Variants in CAMTA1 observed in about 807,000 individuals in gnomAD.
CAMTA1 encodes the protein calmodulin binding transcription activator 1, also known as calmodulin-binding transcription activator 1.
Under a neutral mutation model 170.9 loss-of-function variants are expected in CAMTA1, and 27 were observed. The observed-to-expected ratio is 0.16, with a 90% CI of 0.12 to 0.22. The LOEUF (loss-of-function observed/expected upper bound fraction) is 0.22, where lower values mean the gene tolerates loss of function less well. Ranked by LOEUF, CAMTA1 falls within the 10% of genes least tolerant of loss-of-function variation. The pLI, the probability that CAMTA1 is intolerant of heterozygous loss-of-function variation, is 1.00. For missense variants in CAMTA1, 1,619 were observed against 2,217.2 expected, an observed-to-expected ratio of 0.73 and a Z score of 5.42; for synonymous variants, 833 against 891.5, an observed-to-expected ratio of 0.93 and a Z score of 1.17.
intron 3 of CAMTA1, among the ~76,000 whole-genome samples, chr1:7,011,985 G>T (rs534562958): frequency 6.6e-6 from 1 of 152,140 alleles, no homozygotes; most frequent in East Asian, 1.9e-4. Flanking sequence ...TGCTCAGGGG[G>T]CCCCTTCCCA....
intron 5 of CAMTA1, among the ~76,000 whole-genome samples, chr1:7,264,908 G>T (rs971411032): frequency 1.3e-5 from 2 of 152,122 alleles, no homozygotes; most frequent in Non-Finnish European, 1.5e-5. Context: ...CCTTAAGTTT[G>T]ACTTTTGTTT....
In CAMTA1 at chr1:6,934,914, C is replaced by T. The variant is rs982812936; in HGVS notation, c.234+109704C>T. On this transcript the variant is annotated intron_variant, in intron 3 of 22. Transcript: ENST00000303635. This position sits in a 1 kb window ranked among gnomAD's most constrained non-coding sequence, Gnocchi z 4.5. ...AGTCCACCAAACTCCTTAGGCCAGT[C>T]GAAAGCACCTAACTCAGACCACAGG... 1.3e-5 allele frequency among the ~76,000 whole-genome samples: 2 copies of T among 152,136 alleles called. No homozygotes were observed. The highest frequency in any genetic ancestry group is 2.9e-5 in the Non-Finnish European group (2 of 68,038).
At chr1:7,268,033 A>G (rs1669186003) in intron 5 of CAMTA1, among the ~76,000 whole-genome samples, 1 of 152,234 alleles carries the variant, frequency 6.6e-6, no homozygotes, top group African/African-American at 2.4e-5. Context: ...AATATAGGAA[A>G]CAACTATTGT....
intron 5 of CAMTA1, among the ~76,000 whole-genome samples, chr1:7,431,994 G>A (rs1329114715): frequency 6.6e-6 from 1 of 152,178 alleles, no homozygotes; most frequent in Non-Finnish European, 1.5e-5. Flanking sequence ...GGAACAACCT[G>A]GGCCCTGAGC....
intron 5 of CAMTA1, among the ~76,000 whole-genome samples, chr1:7,421,932 G>T (rs2149318175): frequency 6.6e-6 from 1 of 152,152 alleles, no homozygotes; most frequent in Admixed American, 6.5e-5. Context: ...TGGCATCTGT[G>T]CTGTGCATCT....
chr1:7,103,627 AACTACACACACGCAC>A, intron 4 of CAMTA1, among the ~76,000 whole-genome samples: 1 of 149,600 alleles, frequency 6.7e-6, no homozygotes, highest in East Asian at 2.0e-4. Context: ...ACGCACACAC[AACTACACACACGCAC>A]ACACAACACA....
chr1:7,184,674 A>G (rs1226799182), intron 4 of CAMTA1, among the ~76,000 whole-genome samples: 1 of 152,190 alleles, frequency 6.6e-6, no homozygotes, highest in Non-Finnish European at 1.5e-5. Context: ...GATGGGAAGG[A>G]GACAGGAGAC....
At chr1:6,931,919 A>G (rs1684482305) in intron 3 of CAMTA1, among the ~76,000 whole-genome samples, 1 of 152,180 alleles carries the variant, frequency 6.6e-6, no homozygotes, top group Non-Finnish European at 1.5e-5. Flanking sequence ...TTACTGTTCC[A>G]TTTGGCAATT....
intron 3 of CAMTA1, among the ~76,000 whole-genome samples, chr1:6,895,471 A>G (rs1675428595): frequency 6.6e-6 from 1 of 152,210 alleles, no homozygotes. Context: ...CTTGGAATAG[A>G]TTCCCCATGC....
chr1:7,224,102 G>C lies in CAMTA1; in HGVS notation c.303-25389G>C, dbSNP rs1162025703. Among the ~76,000 whole-genome samples the C allele has an allele frequency of 6.6e-6, 1 of 152,158 alleles. No homozygotes were observed. Among genetic ancestry groups the C allele is most frequent in the Admixed American group, 6.5e-5 (1 of 15,278 alleles). ...GACATGCAGTTGTATAAAGGATGGG[G>C]CACCTTAACGTTTGTAGCACCTTTA... On this transcript the variant is annotated intron_variant, in intron 4 of 22. Coordinates refer to ENST00000303635, the MANE Select transcript of CAMTA1 (RefSeq NM_015215.4). This position sits in a 1 kb window ranked among gnomAD's most constrained non-coding sequence, Gnocchi z 5.2.
chr1:7,424,742 A>C (rs527259922), intron 5 of CAMTA1, among the ~76,000 whole-genome samples: 2 of 152,236 alleles, frequency 1.3e-5, no homozygotes, highest in South Asian at 4.1e-4. Context: ...ACGTGGCCCA[A>C]AGCTGTCATG....
chr1:7,034,623 C>A (rs774993606), intron 3 of CAMTA1, among the ~76,000 whole-genome samples: 1 of 152,182 alleles, frequency 6.6e-6, no homozygotes, highest in Non-Finnish European at 1.5e-5. Flanking sequence ...GCTGCCTTGG[C>A]CTTCTTACAT....
At chr1:7,535,536 G>A (rs1161562607) in intron 6 of CAMTA1, among the ~76,000 whole-genome samples, 3 of 152,194 alleles carry the variant, frequency 2.0e-5, no homozygotes, top group Admixed American at 1.3e-4. Context: ...GCAAAGCTGC[G>A]CTTTCTCAGT....
intron 6 of CAMTA1, among the ~76,000 whole-genome samples, chr1:7,622,273 C>G (rs1298074916): frequency 1.3e-5 from 2 of 152,204 alleles, no homozygotes. Flanking sequence ...GGGAGGGATA[C>G]AAGGCCAAGA....
intron 5 of CAMTA1, among the ~76,000 whole-genome samples, chr1:7,292,992 C>T (rs1225987194): frequency 2.0e-5 from 3 of 152,132 alleles, no homozygotes; most frequent in Non-Finnish European, 4.4e-5. Flanking sequence ...GCATGTCCTC[C>T]CTGCCTCCTG....
At chr1:7,709,578 T>G (rs2096553572) in intron 11 of CAMTA1, among the ~76,000 whole-genome samples, 1 of 152,236 alleles carries the variant, frequency 6.6e-6, no homozygotes, top group Non-Finnish European at 1.5e-5. Context: ...CTAAAAATCC[T>G]GGACACTGTA....
chr1:6,817,578 T>A (rs1187711764), intron 1 of CAMTA1, among the ~76,000 whole-genome samples: 1 of 152,254 alleles, frequency 6.6e-6, no homozygotes, highest in Non-Finnish European at 1.5e-5. Context: ...GAGCCTTGTC[T>A]AGTCTATAGG....
intron 5 of CAMTA1, among the ~76,000 whole-genome samples, chr1:7,290,069 T>C (rs1038799408): frequency 6.6e-6 from 1 of 152,148 alleles, no homozygotes; most frequent in African/African-American, 2.4e-5. Flanking sequence ...AAGCAATAGG[T>C]TATGGAAGCC....
intron 3 of CAMTA1, among the ~76,000 whole-genome samples, chr1:6,897,980 C>A (rs1421356509): frequency 6.6e-6 from 1 of 152,162 alleles, no homozygotes; most frequent in Non-Finnish European, 1.5e-5. Flanking sequence ...AACTTTTTCT[C>A]TTCTTTGCAG....
Sources: allele counts gnomAD v4.1 joint callset (sites outside exome capture counted in the v4.1 genomes callset), GRCh38; gene constraint gnomAD v4.1.1; non-coding constraint Gnocchi (gnomAD v3.1); transcripts MANE v1.5; gene names NCBI Gene and HGNC (gene_info 2026-07-23, HGNC 2026-07-21).